The following SMG6 variants were observed in gnomAD, a reference collection of about 807,000 sequenced individuals.
SMG6 encodes telomerase-binding protein EST1A.
In SMG6, 66 loss-of-function variants were observed where a neutral mutation model predicts 142.2. The ratio of observed to expected loss-of-function variants is 0.46; its 90% CI spans 0.38 to 0.57. SMG6 has a LOEUF of 0.57. Among genes scored for constraint, SMG6 ranks in the 20% least tolerant of loss-of-function variants. The pLI, the probability that SMG6 is intolerant of heterozygous loss-of-function variation, is 0.00. For synonymous variants in SMG6, 779 were observed against 702.4 expected, an observed-to-expected ratio of 1.11 and a Z score of -1.72; for missense variants, 1,793 against 1,832.0, an observed-to-expected ratio of 0.98 and a Z score of 0.39.
At chr17:2,069,281 T>C (rs919256491) in intron 15 of SMG6, among the ~76,000 whole-genome samples, 4 of 152,160 alleles carry the variant, frequency 2.6e-5, no homozygotes, top group Admixed American at 2.0e-4. Flanking sequence ...TCACATACAT[T>C]ATCTAGAAAG....
chr17:2,254,339 T>G (rs1195190428), intron 8 of SMG6, among the ~76,000 whole-genome samples: 1 of 152,188 alleles, frequency 6.6e-6, no homozygotes, highest in African/African-American at 2.4e-5. Context: ...AAACCCATTT[T>G]TTTTGTTGTT....
intron 13 of SMG6, among the ~76,000 whole-genome samples, chr17:2,154,952 T>G (rs999470137): frequency 2.0e-5 from 3 of 152,144 alleles, no homozygotes; most frequent in Admixed American, 6.5e-5. Context: ...GGAGGATCCC[T>G]TGAGCTCAGA....
chr17:2,278,935 G>C (rs1331072695), intron 8 of SMG6, among the ~76,000 whole-genome samples: 1 of 151,916 alleles, frequency 6.6e-6, no homozygotes, highest in African/African-American at 2.4e-5. Context: ...CCCCTCATTC[G>C]CGTATCAACT....
At chr17:2,217,704 C>A (rs970235831) in intron 10 of SMG6, among the ~76,000 whole-genome samples, 1 of 152,104 alleles carries the variant, frequency 6.6e-6, no homozygotes, top group African/African-American at 2.4e-5. Flanking sequence ...ACTTCCAGAG[C>A]CAAAGAATAA....
chr17:2,130,470 T>C (rs1049275796), intron 13 of SMG6, among the ~76,000 whole-genome samples: 1 of 151,840 alleles, frequency 6.6e-6, no homozygotes, highest in South Asian at 2.1e-4. Context: ...ATTGTAAATA[T>C]GGCAATTGCT....
intron 8 of SMG6, among the ~76,000 whole-genome samples, chr17:2,281,722 T>A (rs553873499): frequency 1.3e-5 from 2 of 152,302 alleles, no homozygotes; most frequent in South Asian, 4.1e-4. Context: ...AAAGGTCAAA[T>A]AATTTATCAT....
At chr17:2,298,167 G>A (rs2075185887) in intron 2 of SMG6, 112 bp from the exon 3 acceptor site, 7 of 954,930 alleles carry the variant, frequency 7.3e-6, no homozygotes, top group Non-Finnish European at 1.1e-5. Context: ...AATAAAAAAT[G>A]TGACCAGGTA....
At chr17:2,186,176 C>A (rs971176467) in intron 12 of SMG6, among the ~76,000 whole-genome samples, 1 of 150,864 alleles carries the variant, frequency 6.6e-6, no homozygotes, top group African/African-American at 2.4e-5. Flanking sequence ...GCAGTGAGAT[C>A]GCGTCACTGC....
At chr17:2,193,330 C>T (rs546225847) in intron 10 of SMG6, among the ~76,000 whole-genome samples, 1 of 152,248 alleles carries the variant, frequency 6.6e-6, no homozygotes, top group South Asian at 2.1e-4. Flanking sequence ...CCCTAGAAGC[C>T]GAAATGCTTC....
chr17:2,213,469 G>T (rs966511008), intron 10 of SMG6, among the ~76,000 whole-genome samples: 1 of 152,204 alleles, frequency 6.6e-6, no homozygotes, highest in Non-Finnish European at 1.5e-5. Flanking sequence ...AGGGCGGGCA[G>T]ACGTTGGTGC....
intron 12 of SMG6, among the ~76,000 whole-genome samples, chr17:2,174,897 G>A (rs2071612119): frequency 6.6e-6 from 1 of 152,154 alleles, no homozygotes; most frequent in Non-Finnish European, 1.5e-5. Context: ...GAACTTCGAG[G>A]GTTAAAAGGA....
At chr17:2,198,153 A>G (rs1248048569) in intron 10 of SMG6, among the ~76,000 whole-genome samples, 1 of 152,266 alleles carries the variant, frequency 6.6e-6, no homozygotes, top group African/African-American at 2.4e-5. Context: ...AATACTACTC[A>G]GCAATAAAAA....
At position 2,186,256 on chromosome 17, in the gene SMG6, CA is replaced by C. The variant is rs397771010; in HGVS notation, c.3155+406del. Among the ~76,000 whole-genome samples the C allele has an allele frequency of 2.4e-3, 267 of 111,144 alleles. 1 individual carries two copies. The highest frequency in any genetic ancestry group is 5.3e-3 in the Middle Eastern group (1 of 188). 72.9% of individuals were successfully genotyped at this position (111,144 alleles called of 152,430 possible). ...TGGGTGACAAAGTGATACCCTGTTT[CA>C]AAAAAAAAAAAAAAAGCAAGATGCA... On this transcript the variant is annotated intron_variant, in intron 12 of 18. Coordinates refer to ENST00000263073, the MANE Select transcript of SMG6 (RefSeq NM_017575.5).
intron 13 of SMG6, among the ~76,000 whole-genome samples, chr17:2,156,393 CAAAAAAAAAAA>C (rs34203812): frequency 5.1e-4 from 28 of 55,396 alleles, no homozygotes; most frequent in African/African-American, 1.1e-3. Context: ...CACTCCTTCT[CAAAAAAAAAAA>C]AAAAAAAAAA....
At chr17:2,149,171 G>A (rs922124002) in intron 13 of SMG6, among the ~76,000 whole-genome samples, 3 of 151,820 alleles carry the variant, frequency 2.0e-5, no homozygotes, top group South Asian at 2.1e-4. Context: ...CCAACATGGC[G>A]AAACCCTGTC....
At chr17:2,140,315 C>T (rs982199631) in intron 13 of SMG6, among the ~76,000 whole-genome samples, 2 of 152,222 alleles carry the variant, frequency 1.3e-5, no homozygotes, top group Non-Finnish European at 2.9e-5. Context: ...CCTCAGCCTC[C>T]CAAAGTGCTG....
rs2073662156 is a variant in SMG6, at chr17:2,236,624, G to A, written c.2737C>T (p.Pro913Ser). ...TTGAGGACCTTCTCAGCCACTGCAGGGAATGTCTCCATCCTGCAGATTCAG... is the reference window on the plus strand; with the variant it reads ...TTGAGGACCTTCTCAGCCACTGCAGAGAATGTCTCCATCCTGCAGATTCAG... ...LFTRIGMETF[P>S]AVAEKVLKEF... is the part of the protein sequence containing the mutation. Residue 913 changes from proline to serine, a missense_variant, in exon 10 of 19, where the codon CCT becomes TCT. Around this residue, in one of 3 missense-constraint regions of SMG6, gnomAD observed 1,597 missense variants for 1,584.6 expected, o/e 1.01. Coordinates refer to ENST00000263073, the MANE Select transcript of SMG6 (RefSeq NM_017575.5). The A allele has an allele frequency of 6.2e-7, 1 of 1,606,614 alleles. No individual in the cohort carries two copies. The highest frequency in any genetic ancestry group is 1.1e-5 in the South Asian group (1 of 90,634).
Position 2,188,487 on chromosome 17 carries a change from C to T in SMG6, c.2898G>A (p.Val966=). ...CCAGAGCTGCGGCTTGTTCCTGGAT[C>T]ACAGAGCGGCACTCCTCCGAGAAGC... ...KDCFSEECRS[V]IQEQAAALGL... is the part of the protein sequence containing the mutation. Residue 966 remains valine (V), a synonymous_variant, in exon 11 of 19, where the codon GTG becomes GTA. Transcript: ENST00000263073. The T allele has an allele frequency of 1.2e-6, 2 of 1,614,090 alleles. No individual in the cohort carries two copies. Among genetic ancestry groups the T allele is most frequent in the Non-Finnish European group, 1.7e-6 (2 of 1,180,004 alleles).
At chr17:2,119,292 T>C (rs1202245505) in intron 13 of SMG6, among the ~76,000 whole-genome samples, 2 of 151,902 alleles carry the variant, frequency 1.3e-5, no homozygotes, top group Non-Finnish European at 2.9e-5. Context: ...CTCCTGACCT[T>C]GTGATCTGCC....
Sources: allele counts gnomAD v4.1 joint callset (sites outside exome capture counted in the v4.1 genomes callset), GRCh38; gene constraint gnomAD v4.1.1; regional missense constraint gnomAD v4.1.1; transcripts MANE v1.5; gene names NCBI Gene and HGNC (gene_info 2026-07-23, HGNC 2026-07-21).